Variants in SATL1 observed in about 807,000 individuals in gnomAD.
SATL1 encodes spermidine/spermine N1-acetyl transferase like 1, also known as spermidine/spermine N(1)-acetyltransferase-like protein 1.
In SATL1, 47 loss-of-function variants were observed where a neutral mutation model predicts 51.8. The ratio of observed to expected loss-of-function variants is 0.91; its 90% CI spans 0.72 to 1.16. The LOEUF is 1.16. Among genes scored for constraint, SATL1 ranks in the 50% most tolerant of loss-of-function variants. The probability of loss-of-function intolerance (pLI) is 0.00; values close to 1 mark genes in which losing one functional copy is unlikely to be tolerated. For synonymous variants in SATL1, 176 were observed against 182.4 expected (o/e 0.97, Z 0.28); for missense variants, 520 against 526.4 (o/e 0.99, Z 0.12).
At chrX:85,162,680 C>A (rs760791683) in intron 2 of SATL1, among the ~76,000 whole-genome samples, 55 of 111,528 alleles carry the variant, frequency 4.9e-4, no homozygotes, top group Non-Finnish European at 5.8e-4. Context: ...GTGGGTTTGT[C>A]ATAAATGGCT....
At chrX:85,240,904 G>A (rs1044603409) in intron 1 of SATL1, among the ~76,000 whole-genome samples, 5 of 110,233 alleles carry the variant, frequency 4.5e-5, no homozygotes, top group Non-Finnish European at 9.5e-5. Context: ...GATTACAGGC[G>A]TGAGCCACCG....
intron 5 of SATL1, among the ~76,000 whole-genome samples, chrX:85,094,469 C>T (rs770880117): frequency 9.8e-5 from 11 of 111,829 alleles, no homozygotes; most frequent in Non-Finnish European, 1.3e-4. Flanking sequence ...TTTAGCTGGG[C>T]GCAGTGGCTC....
intron 2 of SATL1, among the ~76,000 whole-genome samples, chrX:85,161,489 A>C (rs2147728568): frequency 1.8e-5 from 2 of 110,420 alleles, no homozygotes; most frequent in Middle Eastern, 4.6e-3. Context: ...TAAAAAAAAA[A>C]AAAAAACAGA....
intron 2 of SATL1, among the ~76,000 whole-genome samples, chrX:85,184,287 A>G (rs1405360904): frequency 9.0e-6 from 1 of 111,177 alleles, no homozygotes. Context: ...GGGCTTGATC[A>G]CTATGTTTCT....
intron 2 of SATL1, among the ~76,000 whole-genome samples, chrX:85,163,178 TTTGTTGTTGTTG>T (rs199669352): frequency 2.3e-4 from 25 of 106,948 alleles, no homozygotes; most frequent in East Asian, 2.9e-4. Flanking sequence ...TCCTGGAGTT[TTTGTTGTTGTTG>T]TTGTTGTTGT....
chrX:85,103,885 C>T lies in SATL1; in HGVS notation c.1672G>A (p.Ala558Thr). 2 of 1,196,952 alleles carry T rather than the reference C, an allele frequency of 1.7e-6. No individual in the cohort carries two copies. Among genetic ancestry groups the T allele is most frequent in the Non-Finnish European group, 2.3e-6 (2 of 883,152 alleles). ...ELAACENMLD[A>T]MELTAADLLR... ...TTACCAGCTGCTGTTAACTCCATTGCATCTAGCATGTTTTCACAGGCAGCC... is the reference window on the plus strand; with the variant it reads ...TTACCAGCTGCTGTTAACTCCATTGTATCTAGCATGTTTTCACAGGCAGCC... The change falls in exon 4 of 8, where the codon GCA becomes ACA. Residue 558 changes from alanine to threonine, a missense_variant. Physicochemically the swap from Ala to Thr is moderately conservative, Grantham distance 58. This residue lies in a region of SATL1 where 488 missense variants were observed against 474.3 expected (regional missense o/e 1.03). Coordinates refer to ENST00000644105, the MANE Select transcript of SATL1 (RefSeq NM_001367857.2).
At chrX:85,147,572 C>T (rs1453607676) in intron 2 of SATL1, among the ~76,000 whole-genome samples, 2 of 112,047 alleles carry the variant, frequency 1.8e-5, no homozygotes, top group African/African-American at 3.3e-5. Context: ...GAGGCACCCC[C>T]CAGTAGGGGC....
At chrX:85,189,057 AACTGAT>A (rs1225905509) in intron 2 of SATL1, among the ~76,000 whole-genome samples, 1 of 112,758 alleles carries the variant, frequency 8.9e-6, no homozygotes, top group Non-Finnish European at 1.9e-5. Flanking sequence ...TAAAGTGATC[AACTGAT>A]ACTAAATTCT....
intron 4 of SATL1, among the ~76,000 whole-genome samples, chrX:85,096,843 C>A (rs1924735789): frequency 1.1e-5 from 1 of 94,662 alleles, no homozygotes; most frequent in Admixed American, 1.3e-4. Flanking sequence ...TTCCCAAACA[C>A]CCCCCACCCC....
intron 2 of SATL1, among the ~76,000 whole-genome samples, chrX:85,175,513 CTG>C (rs1442832195): frequency 9.0e-6 from 1 of 111,205 alleles, no homozygotes; most frequent in East Asian, 2.8e-4. Flanking sequence ...CATGAGGAAA[CTG>C]TAATAAAACA....
intron 2 of SATL1, among the ~76,000 whole-genome samples, chrX:85,173,922 CT>C (rs1192793812): frequency 4.5e-5 from 4 of 88,485 alleles, no homozygotes; most frequent in African/African-American, 1.6e-4. Flanking sequence ...TCCCTCCCCC[CT>C]CCCCCATCCC....
At chrX:85,120,640 T>C (rs987361401) in intron 2 of SATL1, among the ~76,000 whole-genome samples, 34 of 112,057 alleles carry the variant, frequency 3.0e-4, no homozygotes, top group African/African-American at 1.0e-3. Context: ...CCATAAACTA[T>C]CTTATGTAAT....
chrX:85,238,429 G>A (rs1928521846), intron 1 of SATL1, among the ~76,000 whole-genome samples: 1 of 111,443 alleles, frequency 9.0e-6, no homozygotes, highest in Non-Finnish European at 1.9e-5. Context: ...TGGAACTGGA[G>A]GTCATTATGT....
At chrX:85,237,862 G>GA (rs200714688) in intron 1 of SATL1, among the ~76,000 whole-genome samples, 26,497 of 109,970 alleles carry the variant, frequency 0.24, 3,388 homozygotes, top group African/African-American at 0.49. Context: ...CAAACAATAG[G>GA]AAAAAATCTA....
At chrX:85,214,799 G>A (rs754499016) in intron 2 of SATL1, among the ~76,000 whole-genome samples, 2 of 111,724 alleles carry the variant, frequency 1.8e-5, no homozygotes, top group Non-Finnish European at 3.8e-5. Flanking sequence ...CCAAAACCCA[G>A]CAGAGCAGAC....
Position 85,107,618 on chromosome X carries a change from G to A in SATL1, c.1351C>T (p.Pro451Ser). The A allele has an allele frequency of 1.7e-6, 2 of 1,211,555 alleles. No individual in the cohort carries two copies. Among genetic ancestry groups the A allele is most frequent in the Non-Finnish European group, 2.2e-6 (2 of 895,430 alleles). Reference sequence around the variant, plus strand: ...GGTTGTCTCATGCCTAGTTGGCTGGGGACTTGCTGGCTCATGCCTGGTTGC... The same window carrying A: ...GGTTGTCTCATGCCTAGTTGGCTGGAGACTTGCTGGCTCATGCCTGGTTGC... The part of the protein sequence containing the change: ...MWQPGMSQQV[P>S]SQLGMRQPGT... Residue 451 changes from proline to serine, a missense_variant, in exon 3 of 8, where the codon CCC becomes TCC. Pro to Ser is a moderately conservative substitution (Grantham distance 74). Transcript: ENST00000644105.
intron 1 of SATL1, 150 bp downstream of exon 1, chrX:85,243,438 G>C (rs1795931983): frequency 9.0e-6 from 1 of 111,726 alleles, no homozygotes; most frequent in African/African-American, 3.3e-5. Context: ...CTTCATTGAG[G>C]TCCCTTGTTC....
chrX:85,213,866 G>A (rs1927980985), intron 2 of SATL1, among the ~76,000 whole-genome samples: 1 of 111,051 alleles, frequency 9.0e-6, no homozygotes, highest in African/African-American at 3.3e-5. Flanking sequence ...AAGAGAGAAT[G>A]GCACTGAACT....
intron 2 of SATL1, among the ~76,000 whole-genome samples, chrX:85,193,889 T>C (rs1420629531): frequency 2.7e-5 from 3 of 112,371 alleles, no homozygotes; most frequent in African/African-American, 9.7e-5. Flanking sequence ...ATGGTGTATA[T>C]ATGCCACACT....
Sources: gnomAD v4.1 joint callset for allele counts (sites outside exome capture counted in the v4.1 genomes callset) on GRCh38, gnomAD v4.1.1 for gene constraint, gnomAD v4.1.1 regional missense constraint, MANE v1.5 for transcripts, NCBI Gene and HGNC (gene_info 2026-07-23, HGNC 2026-07-21) for gene names.